PHLPP2: variants seen among roughly 807,000 people sequenced by gnomAD.
PHLPP2 encodes PH domain leucine-rich repeat-containing protein phosphatase 2.
Under a neutral mutation model 124.9 loss-of-function variants are expected in PHLPP2, and 66 were observed. The ratio of observed to expected loss-of-function variants is 0.53; its 90% CI spans 0.43 to 0.65. The LOEUF is 0.65. Among genes scored for constraint, PHLPP2 ranks in the 30% least tolerant of loss-of-function variants. The probability of loss-of-function intolerance (pLI) is 0.00; values close to 1 mark genes in which losing one functional copy is unlikely to be tolerated. For synonymous variants in PHLPP2, 681 were observed against 624.7 expected, an observed-to-expected ratio of 1.09 and a Z score of -1.34; for missense variants, 1,685 against 1,600.4, an observed-to-expected ratio of 1.05 and a Z score of -0.90.
rs2044670512 is a variant in PHLPP2, at chr16:71,648,698, G to A, written c.*192C>T. Reference sequence around the variant, plus strand: ...GAGACAGGAGAATGGCTTGAACCCAGGGACAGAGGCTGCAGTGACCCGAGA... The same window carrying A: ...GAGACAGGAGAATGGCTTGAACCCAAGGACAGAGGCTGCAGTGACCCGAGA... On this transcript the variant is annotated 3_prime_UTR_variant, in exon 19 of 19. Coordinates refer to ENST00000568954, the MANE Select transcript of PHLPP2 (RefSeq NM_015020.3). 1 of 573,240 alleles carries A rather than the reference G, an allele frequency of 1.7e-6. No individual in the cohort carries two copies. The highest frequency in any genetic ancestry group is 1.9e-5 in the African/African-American group (1 of 53,562). 35.5% of individuals were successfully genotyped at this position (573,240 alleles called of 1,614,324 possible).
chr16:71,723,883 C>T (rs2045415672), intron 1 of PHLPP2: 5 of 1,071,770 alleles, frequency 4.7e-6, no homozygotes, highest in Admixed American at 9.7e-5. Flanking sequence ...ACCCAGGATT[C>T]ACAGAGACGC....
Position 71,714,558 on chromosome 16 carries a change from C to G in PHLPP2, c.238G>C (p.Glu80Gln). 1 of 1,614,062 alleles carries G rather than the reference C, an allele frequency of 6.2e-7. No individual in the cohort carries two copies. Among genetic ancestry groups the G allele is most frequent in the South Asian group, 1.1e-5 (1 of 91,066 alleles). The stretch of plus-strand genomic sequence containing the variant: ...TGTAAATAAAGACTTTCTCTTCCCT[C>G]TCCAGCACATATTTCTGATGCTGGT... ...ETPASEICAG[E>Q]GRESLYLQLH... is the part of the protein sequence containing the mutation. The change falls in exon 2 of 19, where the codon GAG becomes CAG. Residue 80 changes from glutamate (E) to glutamine (Q), a missense_variant. Physicochemically the swap from Glu to Gln is conservative, Grantham distance 29. Transcript: ENST00000568954.
intron 13 of PHLPP2, among the ~76,000 whole-genome samples, chr16:71,662,879 GTT>G (rs57080952): frequency 3.3e-5 from 5 of 151,100 alleles, no homozygotes; most frequent in South Asian, 2.1e-4. Flanking sequence ...TTCTAAAGTT[GTT>G]TTTTTTTTAA....
At chr16:71,658,420 T>C in intron 14 of PHLPP2, 57 bp from the exon 15 acceptor site, 1 of 1,484,444 alleles carries the variant, frequency 6.7e-7, no homozygotes, top group Non-Finnish European at 9.3e-7. Flanking sequence ...AGTTCTTTAC[T>C]CCCAAGTGTC....
At chr16:71,719,600 C>T (rs896804064) in intron 1 of PHLPP2, among the ~76,000 whole-genome samples, 3 of 151,278 alleles carry the variant, frequency 2.0e-5, no homozygotes, top group Non-Finnish European at 2.9e-5. Flanking sequence ...TGCTCAACAC[C>T]CAAAACTATT....
chr16:71,679,868 G>A (rs2044981050), intron 6 of PHLPP2, among the ~76,000 whole-genome samples: 1 of 152,160 alleles, frequency 6.6e-6, no homozygotes, highest in African/African-American at 2.4e-5. Context: ...GGATCACGAG[G>A]TTAGGAGATC....
chr16:71,691,210 T>C (rs1362897003), intron 3 of PHLPP2, among the ~76,000 whole-genome samples: 1 of 152,128 alleles, frequency 6.6e-6, no homozygotes, highest in Non-Finnish European at 1.5e-5. Flanking sequence ...TCCCAGCACT[T>C]TGGGGGGGCC....
Position 71,649,652 on chromosome 16 carries a change from T to C in PHLPP2, c.3210A>G (p.Pro1070=), listed in dbSNP as rs1238480457. The change falls in exon 19 of 19, where the codon CCA becomes CCG. Residue 1070 remains proline, a synonymous_variant. Coordinates refer to ENST00000568954, the MANE Select transcript of PHLPP2 (RefSeq NM_015020.3). ...TIKDAPKPAT[P]SSSSGIASEF... Reference sequence around the variant, plus strand: ...CAGAGGCAATCCCACTGCTAGAGGATGGAGTGGCTGGCTTAGGGGCATCCT... The same window carrying C: ...CAGAGGCAATCCCACTGCTAGAGGACGGAGTGGCTGGCTTAGGGGCATCCT... The C allele has an allele frequency of 1.2e-6, 2 of 1,614,132 alleles. No individual in the cohort carries two copies. The highest frequency in any genetic ancestry group is 1.7e-6 in the Non-Finnish European group (2 of 1,180,032).
At chr16:71,667,117 G>A in intron 12 of PHLPP2, 61 bp downstream of exon 12, 2 of 1,355,910 alleles carry the variant, frequency 1.5e-6, no homozygotes, top group Non-Finnish European at 1.0e-6. Context: ...CCAATGATAA[G>A]TCACTGCAGT....
In PHLPP2 at chr16:71,658,823, A is replaced by C; in HGVS notation, c.1986-8T>G. The C allele has an allele frequency of 6.2e-7, 1 of 1,613,138 alleles. No homozygotes were observed. Among genetic ancestry groups the C allele is most frequent in the African/African-American group, 1.3e-5 (1 of 75,028 alleles). On this transcript the variant is annotated splice_polypyrimidine_tract_variant and splice_region_variant and intron_variant, in intron 13 of 18. Coordinates refer to ENST00000568954, the MANE Select transcript of PHLPP2 (RefSeq NM_015020.3). ...TCCAATTTATTTAGTTTGCTGAAAA[A>C]GAAACAACAGAATACTATAATGCAC...
intron 2 of PHLPP2, among the ~76,000 whole-genome samples, chr16:71,703,820 G>C (rs1400389456): frequency 6.6e-6 from 1 of 152,132 alleles, no homozygotes; most frequent in African/African-American, 2.4e-5. Context: ...TATGAAAAGT[G>C]CTTAGCAAAA....
chr16:71,663,140 C>A (rs1233569624), intron 13 of PHLPP2, among the ~76,000 whole-genome samples: 1 of 152,192 alleles, frequency 6.6e-6, no homozygotes, highest in Non-Finnish European at 1.5e-5. Context: ...GAGACACAGT[C>A]TCACTCTGTC....
At chr16:71,704,491 AATG>A (rs1567627594) in intron 2 of PHLPP2, among the ~76,000 whole-genome samples, 2 of 152,010 alleles carry the variant, frequency 1.3e-5, no homozygotes, top group Non-Finnish European at 2.9e-5. Context: ...ACTGTAACAA[AATG>A]ATAATTTTGG....
chr16:71,693,729 T>G (rs2045138511), intron 3 of PHLPP2, among the ~76,000 whole-genome samples: 1 of 152,246 alleles, frequency 6.6e-6, no homozygotes, highest in South Asian at 2.1e-4. Flanking sequence ...CTCCCACGGC[T>G]GCCTTCTTTT....
At position 71,658,694 on chromosome 16, in the gene PHLPP2, T is replaced by G; in HGVS notation, c.2107A>C (p.Ile703Leu). 6.2e-7 allele frequency: 1 copy of G among 1,614,178 alleles called. No individual in the cohort carries two copies. The highest frequency in any genetic ancestry group is 1.3e-5 in the African/African-American group (1 of 75,058). The change falls in exon 14 of 19, where the codon ATC becomes CTC. Residue 703 changes from isoleucine to leucine, a missense_variant. Transcript: ENST00000568954. ...TGCAGTATTTCTGGGAAAATGCTGA[T>G]GTTGTTGGAGTGTGCAACAAGGGTG... The part of the protein sequence containing the change: ...LHTLVAHSNN[I>L]SIFPEILQLP...
In PHLPP2 at chr16:71,655,418, G is replaced by T. The variant is rs1355636252; in HGVS notation, c.2407C>A (p.Leu803Ile). The change falls in exon 17 of 19, where the codon CTT (leucine) becomes ATT (isoleucine). Residue 803 changes from leucine to isoleucine, a missense_variant. Transcript: ENST00000568954. ...CCCTCTGCAAAGCTATCCATAGCAA[G>T]TGCTGAGACACACAGCCTATAATAG... ...GQRNKLCVSA[L>I]AMDSFAEGVG... 5 of 1,613,286 alleles carry T rather than the reference G, an allele frequency of 3.1e-6. No individual in the cohort carries two copies. The highest frequency in any genetic ancestry group is 1.1e-5 in the South Asian group (1 of 91,052).
intron 1 of PHLPP2, among the ~76,000 whole-genome samples, chr16:71,718,554 T>C (rs2045378291): frequency 6.8e-6 from 1 of 146,926 alleles, no homozygotes; most frequent in Non-Finnish European, 1.5e-5. Flanking sequence ...CAATCCAGCC[T>C]GGGTGACAGT....
chr16:71,655,643 C>A (rs1298563922), intron 16 of PHLPP2, among the ~76,000 whole-genome samples: 1 of 151,868 alleles, frequency 6.6e-6, no homozygotes, highest in Non-Finnish European at 1.5e-5. Context: ...GCTGGGACTA[C>A]AGGTGCCTGC....
intron 13 of PHLPP2, among the ~76,000 whole-genome samples, chr16:71,661,792 C>A (rs573924328): frequency 6.6e-6 from 1 of 151,866 alleles, no homozygotes; most frequent in Admixed American, 6.6e-5. Flanking sequence ...CTGGACAACA[C>A]AGCGAGATCC....
Sources: allele counts gnomAD v4.1 joint callset (sites outside exome capture counted in the v4.1 genomes callset), GRCh38; gene constraint gnomAD v4.1.1; transcripts MANE v1.5; gene names NCBI Gene and HGNC (gene_info 2026-07-23, HGNC 2026-07-21).